Variants in XPR1 observed in about 807,000 individuals in gnomAD.
XPR1 encodes the protein xenotropic and polytropic retrovirus receptor 1.
In XPR1, 28 loss-of-function variants were observed where a neutral mutation model predicts 87.5. That is an observed-to-expected ratio of 0.32 (90% CI 0.24 to 0.44). The LOEUF is 0.44. Ranked by LOEUF, XPR1 falls within the 20% of genes least tolerant of loss-of-function variation. The pLI is 1.00. For missense variants in XPR1, 559 were observed against 862.3 expected (o/e 0.65, Z 4.41); for synonymous variants, 300 against 306.1 (o/e 0.98, Z 0.21).
At chr1:180,690,743 T>C (rs1250988757) in intron 2 of XPR1, among the ~76,000 whole-genome samples, 3 of 151,180 alleles carry the variant, frequency 2.0e-5, no homozygotes, top group Non-Finnish European at 4.4e-5. Context: ...TTGTGACTAG[T>C]GATTATGACT....
chr1:180,785,915 A>G lies in XPR1; in HGVS notation c.122-1838A>G, dbSNP rs1159592406. ...TATTATAAGAGCTGCATCTGTTACC[A>G]TAGAGCTTCCTTAACGCAAACTCAG... On this transcript the variant is annotated intron_variant, in intron 2 of 14. Coordinates refer to ENST00000367590, the MANE Select transcript of XPR1 (RefSeq NM_004736.4). Among the ~76,000 whole-genome samples the G allele has an allele frequency of 5.3e-5, 8 of 151,598 alleles. No homozygotes were observed. The East Asian group carries it at 1.4e-3, about 26-fold the overall frequency.
At chr1:180,729,459 A>G (rs899358551) in intron 2 of XPR1, among the ~76,000 whole-genome samples, 5 of 152,188 alleles carry the variant, frequency 3.3e-5, no homozygotes, top group Non-Finnish European at 5.9e-5. Flanking sequence ...TTCTGTTTTA[A>G]GTTCTTTAAG....
At chr1:180,758,117 A>ACACACACG (rs1296027033) in intron 2 of XPR1, among the ~76,000 whole-genome samples, 4 of 133,996 alleles carry the variant, frequency 3.0e-5, no homozygotes, top group Non-Finnish European at 4.5e-5. Flanking sequence ...AGAAGGATAC[A>ACACACACG]CACACACACA....
intron 2 of XPR1, among the ~76,000 whole-genome samples, chr1:180,756,244 G>A (rs1038608565): frequency 1.3e-5 from 2 of 152,202 alleles, no homozygotes; most frequent in Non-Finnish European, 2.9e-5. Context: ...CTTCTGAAGT[G>A]TAAAGGTTAA....
At chr1:180,851,903 TTAA>T (rs1478172462) in intron 11 of XPR1, among the ~76,000 whole-genome samples, 1 of 151,934 alleles carries the variant, frequency 6.6e-6, no homozygotes, top group Non-Finnish European at 1.5e-5. Context: ...TATAAATAGT[TTAA>T]TAATGAAATT....
intron 2 of XPR1, among the ~76,000 whole-genome samples, chr1:180,747,781 G>A (rs1259051392): frequency 1.3e-5 from 2 of 152,132 alleles, no homozygotes; most frequent in African/African-American, 2.4e-5. Flanking sequence ...AGCGAAGCAA[G>A]CCAGTCAGTT....
In XPR1 at chr1:180,724,640, T is replaced by C. The variant is rs150369604; in HGVS notation, c.121+42229T>C. ...AAACAACAAATTCATTTTAAGGAGTTAAATATATATGGTTTCTTTTCCACG... is the reference window on the plus strand; with the variant it reads ...AAACAACAAATTCATTTTAAGGAGTCAAATATATATGGTTTCTTTTCCACG... On this transcript the variant is annotated intron_variant, in intron 2 of 14. Coordinates refer to ENST00000367590, the MANE Select transcript of XPR1 (RefSeq NM_004736.4). Among the ~76,000 whole-genome samples the C allele has an allele frequency of 1.5e-3, 235 of 152,226 alleles. 1 individual carries two copies. The highest frequency in any genetic ancestry group is 2.1e-3 in the Non-Finnish European group (145 of 68,022).
intron 1 of XPR1, among the ~76,000 whole-genome samples, chr1:180,673,885 A>C (rs531287967): frequency 1.3e-5 from 2 of 152,202 alleles, no homozygotes; most frequent in South Asian, 2.1e-4. Context: ...TTGTTTTGCT[A>C]TTGGTTCCAG....
In XPR1 at chr1:180,704,824, T is replaced by TTTTTG. The variant is rs1657503305; in HGVS notation, c.121+22417_121+22418insGTTTT. On this transcript the variant is annotated intron_variant, in intron 2 of 14. Transcript: ENST00000367590. ...CAGGGACTGTTGGTTGTTTTTTTTT[T>TTTTTG]TTTTTTTTTTTTTTTAAGTAATAAT... 2.1e-5 allele frequency among the ~76,000 whole-genome samples: 3 copies of TTTTTG among 144,432 alleles called. No individual in the cohort carries two copies. The South Asian group carries it at 6.7e-4, about 32-fold the overall frequency. The allele number at this position is 144,432 out of a possible 152,430, so 94.8% of individuals were successfully genotyped here.
At chr1:180,717,561 C>G (rs79845977) in intron 2 of XPR1, among the ~76,000 whole-genome samples, 3 of 151,896 alleles carry the variant, frequency 2.0e-5, no homozygotes, top group Non-Finnish European at 2.9e-5. Context: ...ATGCAAATAC[C>G]GAGATCCCAG....
chr1:180,653,569 G>A (rs747685153), intron 1 of XPR1, among the ~76,000 whole-genome samples: 6 of 152,046 alleles, frequency 3.9e-5, no homozygotes, highest in Non-Finnish European at 7.4e-5. Flanking sequence ...ACCCCCAGTG[G>A]ATGCCTAAAA....
intron 2 of XPR1, among the ~76,000 whole-genome samples, chr1:180,777,858 A>C (rs1648783327): frequency 6.6e-6 from 1 of 152,228 alleles, no homozygotes; most frequent in Non-Finnish European, 1.5e-5. Flanking sequence ...AGGAGAAACT[A>C]AGAAATCATA....
At chr1:180,802,030 A>G (rs1368821453) in intron 3 of XPR1, among the ~76,000 whole-genome samples, 5 of 152,062 alleles carry the variant, frequency 3.3e-5, no homozygotes, top group Non-Finnish European at 7.4e-5. Flanking sequence ...TCCTGACCTC[A>G]GGTGATCCAC....
chr1:180,640,477 T>A (rs1350206272), intron 1 of XPR1, among the ~76,000 whole-genome samples: 3 of 152,264 alleles, frequency 2.0e-5, no homozygotes, highest in African/African-American at 4.8e-5. Context: ...TGCTCTTAAT[T>A]TCTATGGCGT....
intron 2 of XPR1, among the ~76,000 whole-genome samples, chr1:180,696,165 GGTGTGTGTGTGTGTGTGT>G (rs59249501): frequency 0.015 from 1,549 of 102,990 alleles, 33 homozygotes; most frequent in African/African-American, 0.052. Context: ...TTTATTCCTG[GGTGTGTGTGTGTGTGTGT>G]GTGTGTGTGT....
At chr1:180,783,095 A>G (rs939441452) in intron 2 of XPR1, among the ~76,000 whole-genome samples, 2 of 152,052 alleles carry the variant, frequency 1.3e-5, no homozygotes, top group Non-Finnish European at 2.9e-5. Context: ...GAAAGGCTTA[A>G]TCATTCTATA....
At chr1:180,697,130 C>G (rs1162337856) in intron 2 of XPR1, among the ~76,000 whole-genome samples, 1 of 152,020 alleles carries the variant, frequency 6.6e-6, no homozygotes, top group Non-Finnish European at 1.5e-5. Context: ...GGTTGGGAGA[C>G]TTTTTATTAC....
At chr1:180,794,436 A>G (rs1339541949) in intron 3 of XPR1, among the ~76,000 whole-genome samples, 2 of 152,236 alleles carry the variant, frequency 1.3e-5, no homozygotes, top group Non-Finnish European at 2.9e-5. Context: ...TAGATAGAAT[A>G]TAGTAGAATA....
chr1:180,768,407 T>G (rs1648374795), intron 2 of XPR1, among the ~76,000 whole-genome samples: 1 of 152,244 alleles, frequency 6.6e-6, no homozygotes, highest in South Asian at 2.1e-4. Flanking sequence ...TAATGGCATT[T>G]ATTTCTATTA....
Sources: allele counts gnomAD v4.1 joint callset (sites outside exome capture counted in the v4.1 genomes callset), GRCh38; gene constraint gnomAD v4.1.1; transcripts MANE v1.5; gene names NCBI Gene and HGNC (gene_info 2026-07-23, HGNC 2026-07-21).